The following FOCAD variants were observed in gnomAD, a reference collection of about 807,000 sequenced individuals.
The protein encoded by FOCAD is focadhesin, also known as KIAA1797.
FOCAD carries 198 observed loss-of-function variants against 225.6 expected under a neutral mutation model. That is an observed-to-expected ratio of 0.88 (90% CI 0.78 to 0.99). The LOEUF (loss-of-function observed/expected upper bound fraction) is 0.99, where lower values mean the gene tolerates loss of function less well. FOCAD is among the 50% of genes least tolerant of loss of function. The pLI is 0.00. For synonymous variants in FOCAD, 897 were observed against 755.0 expected, an observed-to-expected ratio of 1.19 and a Z score of -3.08; for missense variants, 2,713 against 2,123.6, an observed-to-expected ratio of 1.28 and a Z score of -5.46.
At chr9:20,663,504 CACAT>C (rs1417990537) in intron 2 of FOCAD, among the ~76,000 whole-genome samples, 31 of 151,928 alleles carry the variant, frequency 2.0e-4, no homozygotes, top group Middle Eastern at 3.4e-3. Context: ...CACACACACA[CACAT>C]ACACACAGTT....
chr9:20,657,754 G>A (rs1227442408), upstream of FOCAD, among the ~76,000 whole-genome samples: 4 of 44,380 alleles, frequency 9.0e-5, no homozygotes, highest in African/African-American at 1.2e-4. Flanking sequence ...TAATTTGATC[G>A]TCTGAAGCCT....
At chr9:20,675,484 C>G (rs1822204746) in intron 2 of FOCAD, among the ~76,000 whole-genome samples, 1 of 152,116 alleles carries the variant, frequency 6.6e-6, no homozygotes, top group East Asian at 1.9e-4. Flanking sequence ...TAATATACAT[C>G]AATATTCCCA....
intron 15 of FOCAD, among the ~76,000 whole-genome samples, chr9:20,837,176 G>T (rs1165851387): frequency 6.6e-6 from 1 of 151,978 alleles, no homozygotes; most frequent in East Asian, 1.9e-4. Flanking sequence ...TTTATTTTGT[G>T]TCTCAAGGCT....
At chr9:20,683,352 A>G (rs558399882), upstream of FOCAD, 1 of 152,284 alleles carries the variant, frequency 6.6e-6, no homozygotes, top group Non-Finnish European at 1.5e-5. Flanking sequence ...GTTTAGAAAC[A>G]ACTAAGTCAG....
chr9:20,660,498 C>T (rs1464490731), intron 2 of FOCAD, among the ~76,000 whole-genome samples: 1 of 149,750 alleles, frequency 6.7e-6, no homozygotes, highest in Non-Finnish European at 1.5e-5. Context: ...TATTCAGATC[C>T]CTTAGAAAGA....
At chr9:20,851,570 T>C (rs533794128) in intron 15 of FOCAD, among the ~76,000 whole-genome samples, 24 of 151,958 alleles carry the variant, frequency 1.6e-4, no homozygotes, top group Middle Eastern at 3.4e-3. Context: ...TAATAAAGTC[T>C]AATATCTGGT....
chr9:20,940,021 A>G (rs760778342), intron 28 of FOCAD, among the ~76,000 whole-genome samples: 11 of 151,344 alleles, frequency 7.3e-5, no homozygotes, highest in East Asian at 3.9e-4. Context: ...TCATTGTTCA[A>G]TTCCCACCTA....
intron 21 of FOCAD, among the ~76,000 whole-genome samples, chr9:20,891,501 A>G (rs1372729615): frequency 1.3e-5 from 2 of 152,244 alleles, no homozygotes; most frequent in Non-Finnish European, 2.9e-5. Flanking sequence ...TAAGAAAGCA[A>G]AACAGCCTTA....
At chr9:20,957,131 A>G (rs1352012248) in intron 35 of FOCAD, among the ~76,000 whole-genome samples, 1 of 152,194 alleles carries the variant, frequency 6.6e-6, no homozygotes, top group African/African-American at 2.4e-5. Context: ...TGGCACGATC[A>G]TGGCTTACTG....
chr9:20,836,035 A>G (rs1161948059), intron 15 of FOCAD, among the ~76,000 whole-genome samples: 2 of 151,782 alleles, frequency 1.3e-5, no homozygotes, highest in Non-Finnish European at 2.9e-5. Flanking sequence ...CCTTTTATTT[A>G]TTTACTTTCT....
intron 9 of FOCAD, among the ~76,000 whole-genome samples, chr9:20,779,005 ATG>A (rs1819084432): frequency 6.6e-6 from 1 of 152,068 alleles, no homozygotes; most frequent in Non-Finnish European, 1.5e-5. Flanking sequence ...CTAACCTTAT[ATG>A]GCAGTAACAT....
At position 20,689,594 on chromosome 9, in the gene FOCAD, G is replaced by A. The variant is rs372913486; in HGVS notation, c.-33+5301G>A. Among the ~76,000 whole-genome samples, 4 of 152,306 alleles carry A rather than the reference G, an allele frequency of 2.6e-5. No homozygotes were observed. The East Asian group carries it at 5.8e-4, about 22-fold the overall frequency. Reference sequence around the variant, plus strand: ...GCCTAGGAGGTATGGGGAGCATCTAGTGAAGAGGCTGAGGATATAAGAAAG... The same window carrying A: ...GCCTAGGAGGTATGGGGAGCATCTAATGAAGAGGCTGAGGATATAAGAAAG... On this transcript the variant is annotated intron_variant, in intron 1 of 43. Coordinates refer to ENST00000338382, the MANE Select transcript of FOCAD (RefSeq NM_001375567.1).
intron 2 of FOCAD, among the ~76,000 whole-genome samples, chr9:20,667,074 T>C (rs917005243): frequency 1.3e-5 from 2 of 152,222 alleles, no homozygotes; most frequent in Non-Finnish European, 2.9e-5. Flanking sequence ...CACAGTTTCC[T>C]CCATTGTTCT....
At chr9:20,836,646 AT>A (rs1282492205) in intron 15 of FOCAD, among the ~76,000 whole-genome samples, 8 of 151,992 alleles carry the variant, frequency 5.3e-5, no homozygotes, top group Non-Finnish European at 1.0e-4. Context: ...GTTTGGCCTT[AT>A]TTTTAACTTT....
At chr9:20,740,188 A>G (rs373934815) in intron 4 of FOCAD, 48 bp from the exon 5 acceptor site, 1 of 1,194,704 alleles carries the variant, frequency 8.4e-7, no homozygotes, top group African/African-American at 1.5e-5. Context: ...CCTGATTAGA[A>G]TATTCACTTT....
intron 25 of FOCAD, among the ~76,000 whole-genome samples, chr9:20,924,475 G>A (rs4246849): frequency 0.36 from 54,683 of 151,950 alleles, 10,106 homozygotes; most frequent in East Asian, 0.47. Flanking sequence ...GTAAAATGGA[G>A]GGATAACAAT....
At chr9:20,846,993 T>A (rs1173230699) in intron 15 of FOCAD, among the ~76,000 whole-genome samples, 1 of 152,150 alleles carries the variant, frequency 6.6e-6, no homozygotes, top group Non-Finnish European at 1.5e-5. Context: ...AAGTTTGACC[T>A]AGATTTCTCT....
In FOCAD at chr9:20,819,863, A is replaced by T. The variant is rs747790934; in HGVS notation, c.1523A>T (p.Asp508Val). 6.5e-7 allele frequency: 1 copy of T among 1,548,762 alleles called. No homozygotes were observed. Among genetic ancestry groups the T allele is most frequent in the Admixed American group, 2.0e-5 (1 of 50,616 alleles). The change falls in exon 12 of 44, where the codon GAT (aspartate) becomes GTT (valine). Residue 508 changes from aspartate to valine, a missense_variant. Transcript: ENST00000338382. ...GRPLEPILYNDILYTLPKLGV... is the reference protein window; with the variant it reads ...GRPLEPILYNVILYTLPKLGV... ...CCACTGGAACCTATATTATATAATG[A>T]TATATTGTATACTTTACCTAAGCTT...
chr9:20,802,991 G>A (rs183034312), intron 11 of FOCAD, among the ~76,000 whole-genome samples: 7 of 152,054 alleles, frequency 4.6e-5, no homozygotes, highest in East Asian at 1.9e-4. Flanking sequence ...CTCTAATTCC[G>A]TATTGCCTCC....
Sources: gnomAD v4.1 joint callset for allele counts (sites outside exome capture counted in the v4.1 genomes callset) on GRCh38, gnomAD v4.1.1 for gene constraint, MANE v1.5 for transcripts, NCBI Gene and HGNC (gene_info 2026-07-23, HGNC 2026-07-21) for gene names.